The following CFDP1 variants were observed in gnomAD, a reference collection of about 807,000 sequenced individuals.
CFDP1 encodes heterochromatin-stabilizing protein CFDP1.
A neutral mutation model predicts 40.1 loss-of-function variants in CFDP1; 31 were observed. That is an observed-to-expected ratio of 0.77 (90% confidence interval 0.58 to 1.04). The LOEUF (loss-of-function observed/expected upper bound fraction) is 1.04. CFDP1 is among the 50% of genes least tolerant of loss of function. The pLI, the probability that CFDP1 is intolerant of heterozygous loss-of-function variation, is 0.00. For missense variants in CFDP1, 423 were observed against 343.4 expected (o/e 1.23, Z -1.83); for synonymous variants, 167 against 120.0 (o/e 1.39, Z -2.56).
chr16:75,299,096 T>C (rs945541409), intron 6 of CFDP1, among the ~76,000 whole-genome samples: 2 of 151,770 alleles, frequency 1.3e-5, no homozygotes, highest in Admixed American at 6.6e-5. Flanking sequence ...GTGTAATGGG[T>C]TACAGGACTG....
At chr16:75,303,227 G>A (rs564236293) in intron 6 of CFDP1, among the ~76,000 whole-genome samples, 9 of 150,468 alleles carry the variant, frequency 6.0e-5, no homozygotes, top group Non-Finnish European at 1.2e-4. Context: ...TTAGCTGGGC[G>A]TGTAGGCGCG....
chr16:75,342,149 G>C (rs2078531615), intron 5 of CFDP1, among the ~76,000 whole-genome samples: 1 of 152,182 alleles, frequency 6.6e-6, no homozygotes. Flanking sequence ...GGATTGATTT[G>C]TGGCTTCTGC....
intron 5 of CFDP1, among the ~76,000 whole-genome samples, chr16:75,393,036 GA>G (rs2078965533): frequency 6.6e-6 from 1 of 152,190 alleles, no homozygotes; most frequent in Non-Finnish European, 1.5e-5. Flanking sequence ...TCAGTGCCAT[GA>G]TACATGCTGA....
At chr16:75,392,900 T>C (rs916220743) in intron 5 of CFDP1, among the ~76,000 whole-genome samples, 4 of 152,260 alleles carry the variant, frequency 2.6e-5, no homozygotes, top group Admixed American at 6.5e-5. Context: ...AGTCAAATCC[T>C]CTTCCTCCAT....
chr16:75,407,654 C>CAAAAAAAA (rs11456525), intron 4 of CFDP1, among the ~76,000 whole-genome samples: 10 of 116,758 alleles, frequency 8.6e-5, no homozygotes, highest in Non-Finnish European at 8.5e-5. Flanking sequence ...GACCCTGTCT[C>CAAAAAAAA]AAAAAAAAAA....
chr16:75,398,556 T>C (rs554691456), intron 4 of CFDP1, among the ~76,000 whole-genome samples: 139 of 150,230 alleles, frequency 9.3e-4, no homozygotes, highest in African/African-American at 3.0e-3. Context: ...TGGCATGCTC[T>C]GTCTGTCTGT....
intron 1 of CFDP1, among the ~76,000 whole-genome samples, chr16:75,423,596 C>G (rs965470371): frequency 4.6e-5 from 7 of 152,028 alleles, no homozygotes; most frequent in South Asian, 2.1e-4. Context: ...CTCACTGCAA[C>G]CTCCGCCTCT....
At chr16:75,340,739 GTT>G (rs2078521256) in intron 5 of CFDP1, among the ~76,000 whole-genome samples, 1 of 152,166 alleles carries the variant, frequency 6.6e-6, no homozygotes, top group African/African-American at 2.4e-5. Context: ...TCTGTCTTCT[GTT>G]TTTCATCTGC....
intron 1 of CFDP1, among the ~76,000 whole-genome samples, chr16:75,427,023 C>G (rs1201307901): frequency 6.7e-6 from 1 of 148,702 alleles, no homozygotes; most frequent in East Asian, 2.0e-4. Flanking sequence ...CCACTGTACT[C>G]CAGCCTGGGG....
chr16:75,337,859 T>C (rs1474791611), intron 5 of CFDP1, among the ~76,000 whole-genome samples: 1 of 152,160 alleles, frequency 6.6e-6, no homozygotes. Context: ...ATCCAAACCA[T>C]ATCATTGACC....
intron 5 of CFDP1, among the ~76,000 whole-genome samples, chr16:75,333,968 C>T (rs998911891): frequency 6.6e-6 from 1 of 152,146 alleles, no homozygotes; most frequent in African/African-American, 2.4e-5. Context: ...GCTGCCCCCA[C>T]CCTGGATAAA....
intron 5 of CFDP1, among the ~76,000 whole-genome samples, chr16:75,368,688 CTT>C (rs1045797020): frequency 2.1e-5 from 3 of 143,316 alleles, no homozygotes; most frequent in African/African-American, 2.5e-5. Context: ...TATTTTCTTT[CTT>C]TTTTTTTTTT....
chr16:75,403,511 G>T (rs919601354), intron 4 of CFDP1, among the ~76,000 whole-genome samples: 1 of 152,106 alleles, frequency 6.6e-6, no homozygotes, highest in Non-Finnish European at 1.5e-5. Context: ...GTGCCACTGC[G>T]CCTGGCCTAA....
At chr16:75,344,291 G>A (rs2078546855) in intron 5 of CFDP1, among the ~76,000 whole-genome samples, 1 of 152,192 alleles carries the variant, frequency 6.6e-6, no homozygotes, top group Non-Finnish European at 1.5e-5. Flanking sequence ...ACACAACACT[G>A]TGTATGTACG....
intron 5 of CFDP1, among the ~76,000 whole-genome samples, chr16:75,379,346 G>GAA (rs942645306): frequency 4.7e-5 from 7 of 150,304 alleles, no homozygotes; most frequent in Non-Finnish European, 8.9e-5. Context: ...AAAAAAAAAA[G>GAA]AGAGAGAGAG....
intron 5 of CFDP1, among the ~76,000 whole-genome samples, chr16:75,326,134 T>C (rs1008085697): frequency 6.6e-6 from 1 of 152,258 alleles, no homozygotes; most frequent in African/African-American, 2.4e-5. Context: ...GGAGTCATTT[T>C]ATGTGAAAAT....
Position 75,293,898 on chromosome 16 carries a change from C to A in CFDP1, c.*54G>T, listed in dbSNP as rs570576443. Reference sequence around the variant, plus strand: ...CACTGTAAAACATTTCACAGACGCACAAAAAGCTCACATTGTAAACAGGAT... The same window carrying A: ...CACTGTAAAACATTTCACAGACGCAAAAAAAGCTCACATTGTAAACAGGAT... On this transcript the variant is annotated 3_prime_UTR_variant, in exon 7 of 7. Transcript: ENST00000283882. The A allele has an allele frequency of 6.2e-6, 9 of 1,440,872 alleles. No individual in the cohort carries two copies. In the African/African-American group the frequency reaches 1.3e-4, roughly 20 times the overall value. The allele number at this position is 1,440,872 out of a possible 1,614,324, so 89.3% of individuals were successfully genotyped here.
At chr16:75,332,399 A>T (rs2078452579) in intron 5 of CFDP1, among the ~76,000 whole-genome samples, 1 of 152,166 alleles carries the variant, frequency 6.6e-6, no homozygotes, top group South Asian at 2.1e-4. Flanking sequence ...TGAGAGGTGG[A>T]AGTTGCAGTG....
chr16:75,314,113 G>A lies in CFDP1; in HGVS notation c.651-8931C>T, dbSNP rs2078310895. On this transcript the variant is annotated intron_variant, in intron 5 of 6. Transcript: ENST00000283882. ...TTGGCCAGTCTGGTCTCGAACTCCC[G>A]ACCTCAGGTGATCCTCCCGCCTCAG... Among the ~76,000 whole-genome samples the A allele has an allele frequency of 3.3e-5, 5 of 152,244 alleles. No homozygotes were observed. The South Asian group carries it at 6.2e-4, about 19-fold the overall frequency.
Sources: gnomAD v4.1 joint callset for allele counts (sites outside exome capture counted in the v4.1 genomes callset) on GRCh38, gnomAD v4.1.1 for gene constraint, MANE v1.5 for transcripts, NCBI Gene and HGNC (gene_info 2026-07-23, HGNC 2026-07-21) for gene names.